TASP1: variants seen among roughly 807,000 people sequenced by gnomAD.
TASP1 encodes taspase 1, also known as threonine aspartase 1.
In TASP1, 16 loss-of-function variants were observed where a neutral mutation model predicts 56.6. The ratio of observed to expected loss-of-function variants is 0.28; its 90% confidence interval spans 0.19 to 0.43. TASP1 has a LOEUF of 0.43. Ranked by LOEUF, TASP1 falls within the 20% of genes least tolerant of loss-of-function variation. TASP1 has a pLI of 1.00. For missense variants in TASP1, 393 were observed against 511.6 expected (o/e 0.77, Z 2.24); for synonymous variants, 179 against 184.2 (o/e 0.97, Z 0.23).
chr20:13,315,225 T>C, the TASP1 span, among the ~76,000 whole-genome samples: 4 of 152,168 alleles, frequency 2.6e-5, no homozygotes, highest in East Asian at 5.8e-4. Context: ...ATCAATGACC[T>C]AAATATACCA....
the TASP1 span, among the ~76,000 whole-genome samples, chr20:13,211,730 G>A: frequency 6.6e-6 from 1 of 152,170 alleles, no homozygotes; most frequent in African/African-American, 2.4e-5. Context: ...TGGCACTATG[G>A]TAAGAGACAG....
chr20:13,595,355 G>C (rs141002923), intron 4 of TASP1, among the ~76,000 whole-genome samples: 11,377 of 152,190 alleles, frequency 0.075, 565 homozygotes, highest in Admixed American at 0.14. Flanking sequence ...ATAATGACAG[G>C]ATCAAATTCA....
At chr20:13,167,119 C>T in the TASP1 span, 17 of 152,090 alleles carry the variant, frequency 1.1e-4, no homozygotes, top group Admixed American at 1.0e-3. Flanking sequence ...GGTGCCCAAG[C>T]TCCACAGGGC....
At chr20:13,405,074 C>T (rs57675086) in intron 13 of TASP1, among the ~76,000 whole-genome samples, 15,859 of 152,026 alleles carry the variant, frequency 0.1, 1,649 homozygotes, top group African/African-American at 0.27. Context: ...CTTATTTCAC[C>T]AATCCTCACC....
chr20:13,546,186 G>A (rs13042843), intron 8 of TASP1, among the ~76,000 whole-genome samples: 57,800 of 151,052 alleles, frequency 0.38, 11,440 homozygotes, highest in Non-Finnish European at 0.44. Flanking sequence ...TGAGGCCAAA[G>A]GTTAAAAAAA....
chr20:13,230,599 T>C, the TASP1 span, among the ~76,000 whole-genome samples: 3 of 152,136 alleles, frequency 2.0e-5, no homozygotes, highest in Non-Finnish European at 4.4e-5. Flanking sequence ...TGAAGCCCCT[T>C]AGGTCCTCAA....
the TASP1 span, among the ~76,000 whole-genome samples, chr20:13,315,540 G>A: frequency 1.3e-5 from 2 of 151,916 alleles, no homozygotes; most frequent in African/African-American, 4.8e-5. Context: ...ACATGAGAAA[G>A]AAACTAATAG....
At chr20:13,502,542 C>A (rs6042181) in intron 10 of TASP1, among the ~76,000 whole-genome samples, 33,710 of 152,030 alleles carry the variant, frequency 0.22, 3,836 homozygotes, top group Middle Eastern at 0.29. Context: ...GGGATGCATA[C>A]ATATATGATT....
At chr20:13,380,725 CTA>C in the TASP1 span, among the ~76,000 whole-genome samples, 1 of 152,298 alleles carries the variant, frequency 6.6e-6, no homozygotes, top group East Asian at 1.9e-4. Context: ...GGAGTTTTAT[CTA>C]TAAGCCCCTG....
chr20:13,122,011 T>C, the TASP1 span, among the ~76,000 whole-genome samples: 1 of 152,222 alleles, frequency 6.6e-6, no homozygotes, highest in Non-Finnish European at 1.5e-5. Context: ...CTTCCTTGTC[T>C]GATCTTTGTC....
intron 10 of TASP1, among the ~76,000 whole-genome samples, chr20:13,501,666 A>G (rs2043952274): frequency 6.6e-6 from 1 of 152,010 alleles, no homozygotes; most frequent in Admixed American, 6.6e-5. Context: ...AATTACATCA[A>G]TACTTACATT....
At chr20:13,443,025 G>T (rs189658744) in intron 11 of TASP1, among the ~76,000 whole-genome samples, 1 of 152,170 alleles carries the variant, frequency 6.6e-6, no homozygotes, top group Non-Finnish European at 1.5e-5. Context: ...TGTGAGGACT[G>T]AATTTGTATG....
intron 7 of TASP1, 138 bp downstream of exon 7, chr20:13,569,368 CG>C (rs2046638583): frequency 1.7e-6 from 1 of 573,378 alleles, no homozygotes; most frequent in Non-Finnish European, 2.8e-6. Context: ...TAACTTTCTA[CG>C]TAGCTTTTAA....
At chr20:13,396,258 A>G (rs1419941106) in intron 13 of TASP1, among the ~76,000 whole-genome samples, 1 of 152,200 alleles carries the variant, frequency 6.6e-6, no homozygotes, top group African/African-American at 2.4e-5. Flanking sequence ...GTGAATAACT[A>G]TATTCTAAGC....
chr20:13,320,369 C>T, the TASP1 span, among the ~76,000 whole-genome samples: 1 of 152,186 alleles, frequency 6.6e-6, no homozygotes, highest in Non-Finnish European at 1.5e-5. Flanking sequence ...GCATTGACTT[C>T]ACACTGTGCT....
At chr20:13,249,778 GCGTTTTGTTTTGTTTTGTTT>G in the TASP1 span, among the ~76,000 whole-genome samples, 1,954 of 143,224 alleles carry the variant, frequency 0.014, 38 homozygotes, top group South Asian at 0.039. Flanking sequence ...ATTTTTTGTT[GCGTTTTGTTTTGTTTTGTTT>G]TGTTTTGTTT....
the TASP1 span, chr20:13,126,485 A>T: frequency 1.2e-5 from 16 of 1,343,448 alleles, no homozygotes; most frequent in East Asian, 2.7e-4. Flanking sequence ...TGAGCATGAG[A>T]TCAAATGTCT....
At chr20:13,329,076 G>A in the TASP1 span, among the ~76,000 whole-genome samples, 1 of 152,076 alleles carries the variant, frequency 6.6e-6, no homozygotes, top group Non-Finnish European at 1.5e-5. Context: ...TGTAGCCTTT[G>A]GCATAAGGAT....
the TASP1 span, among the ~76,000 whole-genome samples, chr20:13,132,509 G>C: frequency 0.018 from 2,804 of 152,188 alleles, 53 homozygotes; most frequent in South Asian, 0.03. Context: ...GAATACCTGA[G>C]AAATTGTATA....
Sources: allele counts gnomAD v4.1 joint callset (sites outside exome capture counted in the v4.1 genomes callset), GRCh38; gene constraint gnomAD v4.1.1; transcripts MANE v1.5; gene names NCBI Gene and HGNC (gene_info 2026-07-23, HGNC 2026-07-21).